Variants in DNAAF4 observed in about 807,000 individuals in gnomAD.
The protein encoded by DNAAF4 is dynein assembly factor 4, axonemal.
Under a neutral mutation model 51.8 loss-of-function variants are expected in DNAAF4, and 43 were observed. The ratio of observed to expected loss-of-function variants is 0.83; its 90% CI spans 0.65 to 1.07. The LOEUF (loss-of-function observed/expected upper bound fraction) is 1.07, where lower values mean the gene tolerates loss of function less well. Ranked by LOEUF, DNAAF4 falls within the 50% of genes least tolerant of loss-of-function variation. DNAAF4 has a pLI of 0.00. For missense variants in DNAAF4, 581 were observed against 493.0 expected (o/e 1.18, Z -1.69); for synonymous variants, 194 against 165.6 (o/e 1.17, Z -1.32).
In DNAAF4 at chr15:55,460,476, G is replaced by A. The variant is rs902757615; in HGVS notation, c.637+6454C>T. 8.6e-5 allele frequency among the ~76,000 whole-genome samples: 13 copies of A among 151,742 alleles called. 1 individual carries two copies. The highest frequency in any genetic ancestry group is 4.6e-4 in the Admixed American group (7 of 15,208). ...ATTACAGGCATGAGCCACCGCGCCC[G>A]GCCGGAATTCTCAAATTTATAAAAC... On this transcript the variant is annotated intron_variant, in intron 5 of 9. Coordinates refer to ENST00000321149, the MANE Select transcript of DNAAF4 (RefSeq NM_130810.4).
chr15:55,492,932 T>G (rs530843503), intron 3 of DNAAF4, among the ~76,000 whole-genome samples: 1 of 152,298 alleles, frequency 6.6e-6, no homozygotes, highest in Admixed American at 6.5e-5. Context: ...ATAAAAGAGG[T>G]ATCTCTGATA....
At chr15:55,426,295 T>C (rs2057430213), downstream of DNAAF4, among the ~76,000 whole-genome samples, 1 of 152,188 alleles carries the variant, frequency 6.6e-6, no homozygotes, top group African/African-American at 2.4e-5. Context: ...GCATGACTCC[T>C]AAACCATAAT....
chr15:55,503,989 CTGTT>C (rs1170196685), intron 1 of DNAAF4, among the ~76,000 whole-genome samples: 5 of 152,182 alleles, frequency 3.3e-5, no homozygotes, highest in African/African-American at 1.2e-4. Context: ...CAAATTGTCT[CTGTT>C]TGCAGACGAC....
intron 5 of DNAAF4, among the ~76,000 whole-genome samples, chr15:55,452,244 TAAAAAAAAAAAAAAAA>T (rs57692277): frequency 1.9e-5 from 1 of 53,598 alleles, no homozygotes; most frequent in Non-Finnish European, 3.0e-5. Flanking sequence ...CATGTCTCAC[TAAAAAAAAAAAAAAAA>T]AAAAAAAAAG....
chr15:55,420,445 G>A (rs1181437865), intron 7 of DNAAF4, among the ~76,000 whole-genome samples: 1 of 151,692 alleles, frequency 6.6e-6, no homozygotes, highest in East Asian at 1.9e-4. Context: ...ATTTTCCCCT[G>A]TTGGTTTCAG....
At chr15:55,479,796 T>A (rs1012945326) in intron 4 of DNAAF4, among the ~76,000 whole-genome samples, 1 of 152,070 alleles carries the variant, frequency 6.6e-6, no homozygotes, top group African/African-American at 2.4e-5. Flanking sequence ...AGGACTGAGA[T>A]ACGCCCTGGT....
intron 5 of DNAAF4, among the ~76,000 whole-genome samples, chr15:55,461,862 G>C (rs1289765877): frequency 6.6e-6 from 1 of 152,042 alleles, no homozygotes; most frequent in Non-Finnish European, 1.5e-5. Context: ...TCTTTGAAAA[G>C]ACAAACAAAA....
downstream of DNAAF4, among the ~76,000 whole-genome samples, chr15:55,429,581 G>C (rs2057466807): frequency 6.6e-6 from 1 of 151,532 alleles, no homozygotes; most frequent in Non-Finnish European, 1.5e-5. Flanking sequence ...ACTTTGGGAG[G>C]CCAAGGTGGG....
rs540469584 is a variant in DNAAF4, at chr15:55,441,149, G to A, written c.784-1568C>T. Among the ~76,000 whole-genome samples, 5 of 151,646 alleles carry A rather than the reference G, an allele frequency of 3.3e-5. No individual in the cohort carries two copies. The South Asian group carries it at 6.3e-4, about 19-fold the overall frequency. On this transcript the variant is annotated intron_variant, in intron 6 of 9. Coordinates refer to ENST00000321149, the MANE Select transcript of DNAAF4 (RefSeq NM_130810.4). Reference sequence around the variant, plus strand: ...TGCAGTTGCATGATCTCAGCTCACCGCAACCTCCGCCTTCTGGGTTCAAGC... The same window carrying A: ...TGCAGTTGCATGATCTCAGCTCACCACAACCTCCGCCTTCTGGGTTCAAGC...
intron 7 of DNAAF4, among the ~76,000 whole-genome samples, chr15:55,437,669 A>G (rs1017655669): frequency 3.3e-5 from 5 of 152,200 alleles, no homozygotes; most frequent in Middle Eastern, 3.2e-3. Flanking sequence ...GCCTTATAAA[A>G]GGTAGAAGGA....
chr15:55,486,838 A>C (rs2058496640), intron 4 of DNAAF4, among the ~76,000 whole-genome samples: 1 of 152,066 alleles, frequency 6.6e-6, no homozygotes, highest in Non-Finnish European at 1.5e-5. Context: ...ATATCACCAG[A>C]AAACTGCTCC....
At chr15:55,456,207 C>T (rs186527309) in intron 5 of DNAAF4, among the ~76,000 whole-genome samples, 10 of 151,790 alleles carry the variant, frequency 6.6e-5, no homozygotes, top group East Asian at 1.9e-4. Flanking sequence ...CAGTGCCTCC[C>T]GAGTAGCTGG....
chr15:55,454,200 C>A (rs1197811934), intron 5 of DNAAF4, among the ~76,000 whole-genome samples: 1 of 151,462 alleles, frequency 6.6e-6, no homozygotes, highest in Non-Finnish European at 1.5e-5. Context: ...ACTAAGGAGG[C>A]TGAGGCAGGG....
At chr15:55,445,936 A>G (rs2057796616) in intron 6 of DNAAF4, among the ~76,000 whole-genome samples, 1 of 136,210 alleles carries the variant, frequency 7.3e-6, no homozygotes, top group African/African-American at 2.8e-5. Context: ...GGCCGAGCAG[A>G]GGCGCTCCTC....
intron 3 of DNAAF4, among the ~76,000 whole-genome samples, chr15:55,493,905 T>TA (rs2058605534): frequency 6.6e-6 from 1 of 151,426 alleles, no homozygotes; most frequent in African/African-American, 2.4e-5. Context: ...AGTCTCCCTA[T>TA]GTTGCCCAGG....
Position 55,491,271 on chromosome 15 carries a change from A to C in DNAAF4, c.272-15T>G, listed in dbSNP as rs7163614. 68 of 1,598,374 alleles carry C rather than the reference A, an allele frequency of 4.3e-5. No homozygotes were observed. The highest frequency in any genetic ancestry group is 5.5e-5 in the Non-Finnish European group (65 of 1,172,376). ...CTCTTTGTCAACTAAAATGTACAGA[A>C]TATTGCTAAATTAGAATTATGACAA... On this transcript the variant is annotated splice_polypyrimidine_tract_variant and intron_variant, in intron 3 of 9. Transcript: ENST00000321149.
chr15:55,446,094 C>T (rs1421855541), intron 6 of DNAAF4, among the ~76,000 whole-genome samples: 4 of 143,712 alleles, frequency 2.8e-5, no homozygotes, highest in Admixed American at 2.8e-4. Flanking sequence ...CAGAGGCGCT[C>T]CTCACATCCC....
intron 5 of DNAAF4, 107 bp from the exon 6 acceptor site, chr15:55,450,474 A>G (rs534807973): frequency 3.7e-4 from 455 of 1,221,698 alleles, no homozygotes; most frequent in East Asian, 5.5e-4. Flanking sequence ...TCCTAAACAA[A>G]TAAATCAAAT....
intron 7 of DNAAF4, among the ~76,000 whole-genome samples, chr15:55,437,591 A>G (rs1400211531): frequency 1.3e-5 from 2 of 152,136 alleles, no homozygotes; most frequent in African/African-American, 4.8e-5. Flanking sequence ...GCACATGTGA[A>G]TAAGTTAAAG....
Sources: allele counts gnomAD v4.1 joint callset (sites outside exome capture counted in the v4.1 genomes callset), GRCh38; gene constraint gnomAD v4.1.1; transcripts MANE v1.5; gene names NCBI Gene and HGNC (gene_info 2026-07-23, HGNC 2026-07-21).